AP1B1: variants seen among roughly 807,000 people sequenced by gnomAD.
The protein encoded by AP1B1 is AP-1 complex subunit beta-1.
Under a neutral mutation model 104.3 loss-of-function variants are expected in AP1B1, and 36 were observed. The ratio of observed to expected loss-of-function variants is 0.35; its 90% CI spans 0.26 to 0.46. The LOEUF is 0.46. AP1B1 is among the 20% of genes least tolerant of loss of function. AP1B1 has a pLI of 1.00. For missense variants in AP1B1, 901 were observed against 1,247.9 expected (o/e 0.72, Z 4.19); for synonymous variants, 504 against 517.5 (o/e 0.97, Z 0.35).
chr22:29,329,586 T>C lies in AP1B1; in HGVS notation c.2775+126A>G, dbSNP rs188721191. Reference sequence around the variant, plus strand: ...AGCACCTCAATCAGGGCCACCTGGCTGAAGCCCCCCGGGTGAGGTGAGGCC... The same window carrying C: ...AGCACCTCAATCAGGGCCACCTGGCCGAAGCCCCCCGGGTGAGGTGAGGCC... On this transcript the variant is annotated intron_variant, in intron 22 of 22. Coordinates refer to ENST00000357586, the MANE Select transcript of AP1B1 (RefSeq NM_001127.4). 35 of 1,541,958 alleles carry C rather than the reference T, an allele frequency of 2.3e-5. No homozygotes were observed. In the Admixed American group the frequency reaches 5.2e-4, roughly 23 times the overall value.
In AP1B1 at chr22:29,351,759, C is replaced by T; in HGVS notation, c.1005G>A (p.Lys335=). 6.2e-7 allele frequency: 1 copy of T among 1,614,192 alleles called. No homozygotes were observed. The highest frequency in any genetic ancestry group is 8.5e-7 in the Non-Finnish European group (1 of 1,180,042). Residue 335 remains lysine, a synonymous_variant, in exon 8 of 23, where the codon AAG becomes AAA. Coordinates refer to ENST00000357586, the MANE Select transcript of AP1B1 (RefSeq NM_001127.4). ...GGATCATGATGTCCAGCTTCTCCAG[C>T]TTCACGTAGATAGGGTCGTTGTACT... The part of the protein sequence containing the change: ...FVKYNDPIYV[K]LEKLDIMIRL...
intron 1 of AP1B1, among the ~76,000 whole-genome samples, chr22:29,377,826 AAGTT>A (rs1256585660): frequency 1.3e-5 from 2 of 151,962 alleles, no homozygotes; most frequent in African/African-American, 4.8e-5. Flanking sequence ...AAAAAAAAAA[AAGTT>A]AGTCTTCACG....
At chr22:29,363,359 G>A (rs557276097) in intron 2 of AP1B1, among the ~76,000 whole-genome samples, 15 of 152,154 alleles carry the variant, frequency 9.9e-5, no homozygotes, top group Non-Finnish European at 2.2e-4. Context: ...ACTTTAAAAT[G>A]CTGAGGATTG....
At chr22:29,342,083 CT>C (rs1435641337) in intron 12 of AP1B1, among the ~76,000 whole-genome samples, 1 of 152,266 alleles carries the variant, frequency 6.6e-6, no homozygotes, top group Non-Finnish European at 1.5e-5. Context: ...AACTTCACTA[CT>C]TGACCTCACT....
Position 29,356,636 on chromosome 22 carries a change from G to A in AP1B1, c.526-20C>T. On this transcript the variant is annotated intron_variant, in intron 5 of 22. Transcript: ENST00000357586. Reference sequence around the variant, plus strand: ...CACCACCTGGTTGAGAGGGTGGGAGGGGCAGAGGCTGGGGGTGCTGCTCAC... The same window carrying A: ...CACCACCTGGTTGAGAGGGTGGGAGAGGCAGAGGCTGGGGGTGCTGCTCAC... 1 of 1,611,466 alleles carries A rather than the reference G, an allele frequency of 6.2e-7. No individual in the cohort carries two copies. The highest frequency in any genetic ancestry group is 8.5e-7 in the Non-Finnish European group (1 of 1,178,388).
chr22:29,366,514 G>C (rs2062139496), intron 2 of AP1B1, among the ~76,000 whole-genome samples: 1 of 152,150 alleles, frequency 6.6e-6, no homozygotes, highest in African/African-American at 2.4e-5. Flanking sequence ...TGTAATCCCA[G>C]CTACTTGGGA....
Position 29,351,661 on chromosome 22 carries a change from G to A in AP1B1, c.1059+44C>T, listed in dbSNP as rs764985089. The A allele has an allele frequency of 1.5e-5, 24 of 1,605,706 alleles. 1 individual carries two copies. The highest frequency in any genetic ancestry group is 3.4e-4 in the Middle Eastern group (2 of 5,824). Reference sequence around the variant, plus strand: ...GCCTACAGTCTGGTGGTGGTGGAATGGTCCCACACTGAGCCCGTGTCCTGA... The same window carrying A: ...GCCTACAGTCTGGTGGTGGTGGAATAGTCCCACACTGAGCCCGTGTCCTGA... On this transcript the variant is annotated intron_variant, in intron 8 of 22. Transcript: ENST00000357586.
chr22:29,345,671 A>G (rs894281809), intron 11 of AP1B1, among the ~76,000 whole-genome samples: 12 of 149,844 alleles, frequency 8.0e-5, no homozygotes, highest in African/African-American at 2.5e-4. Flanking sequence ...CACCCAGTTA[A>G]CAAGTTTTGT....
chr22:29,383,501 G>A (rs2062469881), intron 1 of AP1B1, among the ~76,000 whole-genome samples: 1 of 152,030 alleles, frequency 6.6e-6, no homozygotes, highest in South Asian at 2.1e-4. Context: ...ACAAGGTCAG[G>A]AGATCGAGAC....
At chr22:29,359,742 A>T in intron 4 of AP1B1, 82 bp downstream of exon 4, 5 of 1,528,842 alleles carry the variant, frequency 3.3e-6, no homozygotes, top group Non-Finnish European at 4.4e-6. Context: ...ATCCAGTGCC[A>T]CAGGGCCCCG....
intron 2 of AP1B1, among the ~76,000 whole-genome samples, chr22:29,365,655 C>A (rs2062124286): frequency 6.6e-6 from 1 of 151,998 alleles, no homozygotes; most frequent in Admixed American, 6.6e-5. Context: ...AACTCCTGGG[C>A]TCAAGCAAGT....
chr22:29,356,685 G>T, intron 5 of AP1B1, 69 bp from the exon 6 acceptor site: 1 of 1,440,958 alleles, frequency 6.9e-7, no homozygotes, highest in Non-Finnish European at 9.6e-7. Context: ...GTGCATTAAT[G>T]ATGCTGGCTG....
chr22:29,342,503 C>A, intron 11 of AP1B1, 120 bp from the exon 12 acceptor site: 1 of 802,694 alleles, frequency 1.2e-6, no homozygotes, highest in Non-Finnish European at 2.0e-6. Context: ...CATAGCTATT[C>A]TAGGTTTGGG....
chr22:29,357,222 C>T (rs556507350), intron 5 of AP1B1, among the ~76,000 whole-genome samples: 2 of 152,182 alleles, frequency 1.3e-5, no homozygotes, highest in East Asian at 3.9e-4. Context: ...CATGCACCAC[C>T]ACACTCAGCT....
chr22:29,331,918 TG>T lies in AP1B1; in HGVS notation c.2310-3del. 1 of 1,606,766 alleles carries T rather than the reference TG, an allele frequency of 6.2e-7. No individual in the cohort carries two copies. ...GGGGCGGCGGGGGCCAGGCCAAAGC[TG>T]GGGAGAGAGAAGCCCCACAGGGATG... On this transcript the variant is annotated splice_polypyrimidine_tract_variant and splice_region_variant and intron_variant, in intron 17 of 22. Coordinates refer to ENST00000357586, the MANE Select transcript of AP1B1 (RefSeq NM_001127.4).
In AP1B1 at chr22:29,331,879, C is replaced by T. The variant is rs546260476; in HGVS notation, c.2347G>A (p.Ala783Thr). Residue 783 changes from alanine to threonine, a missense_variant, in exon 18 of 23, where the codon GCG (alanine) becomes ACG (threonine). Around this residue, in one of 3 missense-constraint regions of AP1B1, gnomAD observed 424 missense variants for 494.0 expected, o/e 0.86. Coordinates refer to ENST00000357586, the MANE Select transcript of AP1B1 (RefSeq NM_001127.4). ...ACTGTCTGGTTGGGGCTGAGTGGCG[C>T]GTGGACCTGGAGGGGGGCGGCGGGG... ...LAPAAPLQVH[A>T]PLSPNQTVEI... 3.3e-5 allele frequency: 54 copies of T among 1,612,590 alleles called. No homozygotes were observed. The highest frequency in any genetic ancestry group is 8.9e-5 in the East Asian group (4 of 44,766).
intron 11 of AP1B1, among the ~76,000 whole-genome samples, chr22:29,347,296 C>T (rs556287627): frequency 3.9e-5 from 6 of 152,220 alleles, no homozygotes; most frequent in Non-Finnish European, 7.3e-5. Context: ...CCCAAACCAA[C>T]ACTACCATGA....
rs200628910 is a variant in AP1B1, at chr22:29,341,562, T to C, written c.1735A>G (p.Ser579Gly). The C allele has an allele frequency of 2.4e-4, 380 of 1,614,174 alleles. 7 individuals carry two copies. In the East Asian group the frequency reaches 3.7e-3, roughly 16 times the overall value. The change falls in exon 13 of 23, where the codon AGT (serine) becomes GGT (glycine). Residue 579 changes from serine to glycine, a missense_variant. Transcript: ENST00000357586. Reference sequence around the variant, plus strand: ...CCCCGGCCCCCCTCCACAAAGGCACTGGGAGGCTTATGGTAGACGGAAGCC... The same window carrying C: ...CCCCGGCCCCCCTCCACAAAGGCACCGGGAGGCTTATGGTAGACGGAAGCC... The part of the protein sequence containing the change: ...TLASVYHKPP[S>G]AFVEGGRGVV...
intron 4 of AP1B1, 111 bp downstream of exon 4, chr22:29,359,713 G>C: frequency 7.0e-7 from 1 of 1,425,768 alleles, no homozygotes; most frequent in Non-Finnish European, 9.4e-7. Context: ...GGCGCGGGCA[G>C]TCTGAAGGTC....
Sources: allele counts gnomAD v4.1 joint callset (sites outside exome capture counted in the v4.1 genomes callset), GRCh38; gene constraint gnomAD v4.1.1; regional missense constraint gnomAD v4.1.1; transcripts MANE v1.5; gene names NCBI Gene and HGNC (gene_info 2026-07-23, HGNC 2026-07-21).